KMT2D: variants seen among roughly 807,000 people sequenced by gnomAD.
KMT2D encodes the protein histone-lysine N-methyltransferase 2D.
In KMT2D, 55 loss-of-function variants were observed where a neutral mutation model predicts 512.7. The observed-to-expected ratio is 0.11, with a 90% CI of 0.09 to 0.13. The LOEUF (loss-of-function observed/expected upper bound fraction) is 0.13, where lower values mean the gene tolerates loss of function less well. Among genes scored for constraint, KMT2D ranks in the 10% least tolerant of loss-of-function variants. The pLI is 1.00. For missense variants in KMT2D, 6,061 were observed against 7,127.9 expected, an observed-to-expected ratio of 0.85 and a Z score of 5.39; for synonymous variants, 2,995 against 2,904.0, an observed-to-expected ratio of 1.03 and a Z score of -1.01.
rs1338189508 is a variant in KMT2D, at chr12:49,036,343, G to C, written c.10231+782C>G. Among the ~76,000 whole-genome samples, 37 of 145,576 alleles carry C rather than the reference G, an allele frequency of 2.5e-4. 1 individual carries two copies. Among genetic ancestry groups the C allele is most frequent in the African/African-American group, 9.5e-4 (37 of 38,888 alleles). ...TTTTTTTTTTTTAAGACAGAGTCTC[G>C]CTCTGTTGCCCAGCCTGAAGTGCAA... On this transcript the variant is annotated intron_variant, in intron 35 of 54. Coordinates refer to ENST00000301067, the MANE Select transcript of KMT2D (RefSeq NM_003482.4).
In KMT2D at chr12:49,026,572, G is replaced by T. The variant is rs2120360272; in HGVS notation, c.15394C>A (p.Leu5132Met). The T allele has an allele frequency of 6.2e-7, 1 of 1,614,040 alleles. No individual in the cohort carries two copies. Among genetic ancestry groups the T allele is most frequent in the Non-Finnish European group, 8.5e-7 (1 of 1,179,912 alleles). ...CCCTTGATCTTATGCATTGGACACAGCATGGTCTTGTCCTTGAAGAACATG... is the reference window on the plus strand; with the variant it reads ...CCCTTGATCTTATGCATTGGACACATCATGGTCTTGTCCTTGAAGAACATG... ...KCMFFKDKTM[L>M]CPMHKIKGPC... Residue 5132 changes from leucine to methionine, a missense_variant, in exon 49 of 55, where the codon CTG becomes ATG. Leu to Met is a conservative substitution (Grantham distance 15). Around this residue, in one of 16 missense-constraint regions of KMT2D, gnomAD observed 261 missense variants for 440.7 expected, o/e 0.59. Coordinates refer to ENST00000301067, the MANE Select transcript of KMT2D (RefSeq NM_003482.4). This position sits in a 1 kb window ranked among gnomAD's most constrained non-coding sequence, Gnocchi z 9.6.
In KMT2D at chr12:49,020,928, C is replaced by CA; in HGVS notation, c.*851dup. The stretch of plus-strand genomic sequence containing the variant: ...TCATCATTTGCCTCAACCACCATCC[C>CA]ATGCCCATAATTAAAAACAAAGATG... On this transcript the variant is annotated 3_prime_UTR_variant, in exon 55 of 55. Coordinates refer to ENST00000301067, the MANE Select transcript of KMT2D (RefSeq NM_003482.4). The CA allele has an allele frequency of 5.1e-6, 1 of 196,574 alleles. No individual in the cohort carries two copies. The highest frequency in any genetic ancestry group is 7.9e-5 in the East Asian group (1 of 12,722). The allele number at this position is 196,574 out of a possible 1,614,324, so 12.2% of individuals were successfully genotyped here. A position where few individuals can be genotyped will look rare whatever the true frequency, so the allele number is the denominator to read the frequency against.
chr12:49,043,649 G>C lies in KMT2D; in HGVS notation c.5453C>G (p.Pro1818Arg), dbSNP rs1166995248. 3 of 1,613,996 alleles carry C rather than the reference G, an allele frequency of 1.9e-6. No individual in the cohort carries two copies. The South Asian group carries it at 3.3e-5, about 18-fold the overall frequency. Residue 1818 changes from proline to arginine, a missense_variant, in exon 24 of 55, where the codon CCC becomes CGC. Around this residue, in one of 16 missense-constraint regions of KMT2D, gnomAD observed 640 missense variants for 814.3 expected, o/e 0.79. Coordinates refer to ENST00000301067, the MANE Select transcript of KMT2D (RefSeq NM_003482.4). ...GDGGSERKEL[P>R]TSQKGDDGPD... is the part of the protein sequence containing the mutation. Reference sequence around the variant, plus strand: ...ACATAACTAACCTTTCTGCGATGTGGGGAGTTCCTTCCTTTCTGAGCCTCC... The same window carrying C: ...ACATAACTAACCTTTCTGCGATGTGCGGAGTTCCTTCCTTTCTGAGCCTCC...
In KMT2D at chr12:49,043,738, G is replaced by C; in HGVS notation, c.5364C>G (p.Ala1788=). ...GKELLDLSRK[A]LFAVGVGRPS... is the part of the protein sequence containing the mutation. ...GCCGGCCCACCCCAACTGCAAAAAG[G>C]GCCTTACGGCTCAGGTCCAGCAGCT... The change falls in exon 24 of 55, where the codon GCC becomes GCG. Residue 1788 remains alanine, a synonymous_variant. Transcript: ENST00000301067. 6.2e-7 allele frequency: 1 copy of C among 1,613,846 alleles called. No homozygotes were observed. Among genetic ancestry groups the C allele is most frequent in the African/African-American group, 1.3e-5 (1 of 75,032 alleles).
At chr12:49,055,061 C>T (rs369474918) in intron 2 of KMT2D, 35 bp from the exon 3 acceptor site, 1 of 1,610,868 alleles carries the variant, frequency 6.2e-7, no homozygotes, top group Non-Finnish European at 8.5e-7. Flanking sequence ...TGTCAGCCAT[C>T]ATCCCTATTT....
Position 49,036,626 on chromosome 12 carries a change from T to C in KMT2D, c.10231+499A>G, listed in dbSNP as rs993577835. Among the ~76,000 whole-genome samples the C allele has an allele frequency of 3.3e-5, 5 of 151,698 alleles. No individual in the cohort carries two copies. In the East Asian group the frequency reaches 9.7e-4, roughly 29 times the overall value. ...GCCTCAGCCTCCCGAGTAGCTGGGA[T>C]TACAGGGATGCACCACCGCGCCCGG... On this transcript the variant is annotated intron_variant, in intron 35 of 54. Coordinates refer to ENST00000301067, the MANE Select transcript of KMT2D (RefSeq NM_003482.4).
rs756696295 is a variant in KMT2D at position 49,028,086 on chromosome 12, T to C, written c.14438A>G (p.Asn4813Ser). The C allele has an allele frequency of 3.7e-6, 6 of 1,613,486 alleles. No homozygotes were observed. Among genetic ancestry groups the C allele is most frequent in the East Asian group, 2.2e-5 (1 of 44,846 alleles). The change falls in exon 47 of 55, where the codon AAC becomes AGC. Residue 4813 changes from asparagine to serine, a missense_variant. Transcript: ENST00000301067. ...VAELLSMKIPNSYEVLFPESP... is the reference protein window; with the variant it reads ...VAELLSMKIPSSYEVLFPESP... ...CTCTGGGAACAGCACCTCATAGGAG[T>C]TGGGGATCTTCATGCTCAGCAGCTC... is the stretch of plus-strand genomic sequence containing the variant.
At chr12:49,056,885 T>C (rs1938441752) in intron 1 of KMT2D, among the ~76,000 whole-genome samples, 1 of 152,212 alleles carries the variant, frequency 6.6e-6, no homozygotes, top group Admixed American at 6.5e-5. Context: ...GAACTCACCC[T>C]TTATTTCCAG....
chr12:49,029,222 T>A lies in KMT2D; in HGVS notation c.14090A>T (p.Glu4697Val), dbSNP rs1379624706. ...AATGCTGTCAGGAGAATCGCTATCC[T>A]CATCACTCTCCATCCTGGGGACCAA... ...QTEDVRMESDEDSDSPDSIVP... is the reference protein window; with the variant it reads ...QTEDVRMESDVDSDSPDSIVP... The change falls in exon 45 of 55, where the codon GAG (glutamate) becomes GTG (valine). Residue 4697 changes from glutamate to valine, a missense_variant. Glu to Val is a moderately radical substitution (Grantham distance 121). Transcript: ENST00000301067. The A allele has an allele frequency of 6.2e-7, 1 of 1,612,440 alleles. No individual in the cohort carries two copies. Among genetic ancestry groups the A allele is most frequent in the Admixed American group, 1.7e-5 (1 of 60,008 alleles).
In KMT2D at chr12:49,031,379, T is replaced by G; in HGVS notation, c.13326A>C (p.Ala4442=). Residue 4442 remains alanine, a synonymous_variant, in exon 40 of 55, where the codon GCA becomes GCC. Transcript: ENST00000301067. ...GCAGGAGGTGGTTGCTGGTTCCTGG[T>G]GCCCCTATTGGCTCCCCATTGGCCT... ...KREANGEPIG[A]PGTSNHLLLA... is the part of the protein sequence containing the mutation. 1 of 1,613,630 alleles carries G rather than the reference T, an allele frequency of 6.2e-7. No individual in the cohort carries two copies. The highest frequency in any genetic ancestry group is 1.1e-5 in the South Asian group (1 of 91,086).
intron 42 of KMT2D, 53 bp from the exon 43 acceptor site, chr12:49,030,492 A>G (rs1592113143): frequency 7.3e-7 from 1 of 1,378,638 alleles, no homozygotes; most frequent in Non-Finnish European, 1.0e-6. Flanking sequence ...GGAGACTGAT[A>G]TAATCTCCTG....
rs916906606 is a variant in KMT2D at position 49,024,771 on chromosome 12, G to A, written c.15921+39C>T. 7.5e-6 allele frequency: 12 copies of A among 1,608,628 alleles called. No individual in the cohort carries two copies. The highest frequency in any genetic ancestry group is 1.0e-5 in the Non-Finnish European group (12 of 1,176,040). ...TTTTGGGGTTAGGCCAAAGTTCTCA[G>A]TGCCCGCCAAGCCCCCCAGCTCCCA... is the stretch of plus-strand genomic sequence containing the variant. On this transcript the variant is annotated intron_variant, in intron 50 of 54. Coordinates refer to ENST00000301067, the MANE Select transcript of KMT2D (RefSeq NM_003482.4). This position sits in a 1 kb window ranked among gnomAD's most constrained non-coding sequence, Gnocchi z 4.5.
chr12:49,028,799 CT>C (rs756458075), intron 46 of KMT2D, 28 bp downstream of exon 46: 2 of 1,611,212 alleles, frequency 1.2e-6, no homozygotes, highest in East Asian at 4.5e-5. Flanking sequence ...TCAGGTTCCC[CT>C]CAGCCTCGAG....
In KMT2D at chr12:49,053,553, G is replaced by C. The variant is rs769419008; in HGVS notation, c.762C>G (p.Ala254=). 1 of 1,601,100 alleles carries C rather than the reference G, an allele frequency of 6.2e-7. No homozygotes were observed. The highest frequency in any genetic ancestry group is 1.1e-5 in the South Asian group (1 of 88,814). The change falls in exon 7 of 55, where the codon GCC becomes GCG. Residue 254 remains alanine (A), a synonymous_variant. Coordinates refer to ENST00000301067, the MANE Select transcript of KMT2D (RefSeq NM_003482.4). ...GGGCAGTCAGAGCAGTGTCCAGGCA[G>C]GCCCCGTGATAGTGATGCCCACAGC... ...CTSCGHHYHG[A]CLDTALTARK...
Position 49,060,731 on chromosome 12 carries a change from C to G in KMT2D, c.-1156G>C, listed in dbSNP as rs1207781409. Among the ~76,000 whole-genome samples the G allele has an allele frequency of 1.3e-5, 2 of 152,234 alleles. No homozygotes were observed. The highest frequency in any genetic ancestry group is 2.9e-5 in the Non-Finnish European group (2 of 68,048). The stretch of plus-strand genomic sequence containing the variant: ...ATCCGGGGGGGCCTTTTGCCCGGGG[C>G]ACCCCACTCGAGAGGGGGAGAAAGG... On this transcript the variant is annotated 5_prime_UTR_variant, in exon 1 of 55. Coordinates refer to ENST00000301067, the MANE Select transcript of KMT2D (RefSeq NM_003482.4).
rs772010347 is a variant in KMT2D, at chr12:49,034,284, C to T, written c.10523G>A (p.Arg3508Gln). The T allele has an allele frequency of 2.0e-5, 33 of 1,612,830 alleles. No individual in the cohort carries two copies. The East Asian group carries it at 4.9e-4, about 24-fold the overall frequency. Residue 3508 changes from arginine to glutamine, a missense_variant, in exon 39 of 55, where the codon CGG becomes CAG. Coordinates refer to ENST00000301067, the MANE Select transcript of KMT2D (RefSeq NM_003482.4). ...AQGVINEADQ[R>Q]QYEEWLFHTQ... ...ATGGAACAGCCACTCCTCATACTGC[C>T]GCTGGTCAGCTTCATCTGGGAAAAG...
chr12:49,040,212 G>A lies in KMT2D; in HGVS notation c.7558C>T (p.Arg2520Trp), dbSNP rs759516070. The change falls in exon 32 of 55, where the codon CGG becomes TGG. Residue 2520 changes from arginine to tryptophan, a missense_variant. Coordinates refer to ENST00000301067, the MANE Select transcript of KMT2D (RefSeq NM_003482.4). ...VPSGQPPNFV[R>W]SPGTGAFVGT... ...ACAAATGCACCCGTCCCAGGGGACC[G>A]GACAAAATTGGGGGGCTGCCCACTT... The A allele has an allele frequency of 3.3e-5, 53 of 1,613,226 alleles. No individual in the cohort carries two copies. Among genetic ancestry groups the A allele is most frequent in the South Asian group, 6.6e-5 (6 of 91,058 alleles).
rs1942627009 is a variant in KMT2D, at chr12:49,026,968, T to C, written c.14998A>G (p.Ser5000Gly). ...LRLLLTIQKG[S>G]GRQEDEREVA... ...TCCCGCTCATCCTCCTGCCGCCCACTGCCCTTCTGGATGGTCAGCAGCAGC... is the reference window on the plus strand; with the variant it reads ...TCCCGCTCATCCTCCTGCCGCCCACCGCCCTTCTGGATGGTCAGCAGCAGC... The change falls in exon 49 of 55, where the codon AGT (serine) becomes GGT (glycine). Residue 5000 changes from serine (S) to glycine (G), a missense_variant. Physicochemically the swap from Ser to Gly is moderately conservative, Grantham distance 56. Around this residue, in one of 16 missense-constraint regions of KMT2D, gnomAD observed 1,600 missense variants for 1,754.9 expected, o/e 0.91. Coordinates refer to ENST00000301067, the MANE Select transcript of KMT2D (RefSeq NM_003482.4). The surrounding 1 kb of genome is among the most constrained non-coding windows in gnomAD (Gnocchi z 9.6). The C allele has an allele frequency of 1.2e-6, 2 of 1,613,912 alleles. No individual in the cohort carries two copies. Among genetic ancestry groups the C allele is most frequent in the Non-Finnish European group, 8.5e-7 (1 of 1,179,908 alleles).
Position 49,055,260 on chromosome 12 carries a change from A to C in KMT2D, c.49+16T>G, listed in dbSNP as rs762896047. The C allele has an allele frequency of 3.1e-6, 5 of 1,613,666 alleles. No homozygotes were observed. The highest frequency in any genetic ancestry group is 1.1e-5 in the South Asian group (1 of 91,082). ...CAATGAAATCTAAAAGCAAACAAAC[A>C]ATTTGTCCTACTCACCTGCCGGTTC... On this transcript the variant is annotated intron_variant, in intron 2 of 54. Transcript: ENST00000301067.
Sources: allele counts gnomAD v4.1 joint callset (sites outside exome capture counted in the v4.1 genomes callset), GRCh38; gene constraint gnomAD v4.1.1; regional missense constraint gnomAD v4.1.1; non-coding constraint Gnocchi (gnomAD v3.1); transcripts MANE v1.5; gene names NCBI Gene and HGNC (gene_info 2026-07-23, HGNC 2026-07-21).